GPC5: variants seen among roughly 807,000 people sequenced by gnomAD.
GPC5 encodes the protein glypican-5.
GPC5 carries 47 observed loss-of-function variants against 53.9 expected under a neutral mutation model. That is an observed-to-expected ratio of 0.87 (90% CI 0.69 to 1.11). The LOEUF (loss-of-function observed/expected upper bound fraction) is 1.11, where lower values mean the gene tolerates loss of function less well. Among genes scored for constraint, GPC5 ranks in the 50% most tolerant of loss-of-function variants. The pLI is 0.00. For synonymous variants in GPC5, 286 were observed against 263.3 expected (o/e 1.09, Z -0.84); for missense variants, 748 against 713.1 (o/e 1.05, Z -0.56).
chr13:91,403,066 C>CT, intron 1 of GPC5, among the ~76,000 whole-genome samples: 1 of 152,194 alleles, frequency 6.6e-6, no homozygotes, highest in African/African-American at 2.4e-5. Context: ...TGGCCATAGT[C>CT]ACTCATGGAC....
chr13:92,513,232 T>C (rs1214643130), intron 7 of GPC5, among the ~76,000 whole-genome samples: 1 of 152,220 alleles, frequency 6.6e-6, no homozygotes, highest in Non-Finnish European at 1.5e-5. Context: ...TTTTTCCATA[T>C]TGGACCTAGA....
intron 7 of GPC5, among the ~76,000 whole-genome samples, chr13:92,548,118 C>T (rs186340347): frequency 2.6e-4 from 39 of 151,572 alleles, no homozygotes; most frequent in African/African-American, 9.4e-4. Context: ...GGATTACAGG[C>T]GTGAGCCACT....
chr13:91,707,117 C>T (rs2036122415), intron 3 of GPC5, among the ~76,000 whole-genome samples: 1 of 151,958 alleles, frequency 6.6e-6, no homozygotes, highest in Non-Finnish European at 1.5e-5. Flanking sequence ...TATATTCAGG[C>T]ACTAATTAAT....
At chr13:92,267,027 C>T (rs1444145792) in intron 7 of GPC5, among the ~76,000 whole-genome samples, 1 of 151,968 alleles carries the variant, frequency 6.6e-6, no homozygotes, top group Non-Finnish European at 1.5e-5. Flanking sequence ...TTTTTCTTTG[C>T]TAAAATTGAG....
chr13:91,941,977 C>T (rs145520963), intron 6 of GPC5, among the ~76,000 whole-genome samples: 2,074 of 152,152 alleles, frequency 0.014, 25 homozygotes, highest in Non-Finnish European at 0.022. Flanking sequence ...GAAATGATCA[C>T]CACACTCAAG....
intron 6 of GPC5, among the ~76,000 whole-genome samples, chr13:92,055,105 A>G (rs2041063968): frequency 6.6e-6 from 1 of 152,194 alleles, no homozygotes; most frequent in African/African-American, 2.4e-5. Flanking sequence ...ACACAGAACA[A>G]CTAGCAACTT....
chr13:92,695,682 T>A (rs4773694), intron 7 of GPC5, among the ~76,000 whole-genome samples: 4 of 151,960 alleles, frequency 2.6e-5, no homozygotes, highest in Admixed American at 2.0e-4. Flanking sequence ...GAAGTTCTCT[T>A]GTATTAAAAA....
intron 7 of GPC5, among the ~76,000 whole-genome samples, chr13:92,275,534 G>A (rs2139160962): frequency 6.6e-6 from 1 of 152,018 alleles, no homozygotes; most frequent in East Asian, 1.9e-4. Context: ...CAGAATTGGG[G>A]AGTAATTCTA....
At chr13:92,855,797 T>A (rs1481093016) in intron 7 of GPC5, among the ~76,000 whole-genome samples, 1 of 151,954 alleles carries the variant, frequency 6.6e-6, no homozygotes, top group Non-Finnish European at 1.5e-5. Flanking sequence ...CAAGATTGAA[T>A]CAGGAAGAAA....
chr13:91,532,890 G>T (rs1194551431), intron 2 of GPC5, among the ~76,000 whole-genome samples: 2 of 151,990 alleles, frequency 1.3e-5, no homozygotes, highest in Non-Finnish European at 1.5e-5. Flanking sequence ...AAAATAAAAT[G>T]ATATAAAGTA....
chr13:91,659,929 A>G (rs1594392960), intron 2 of GPC5, among the ~76,000 whole-genome samples: 1 of 152,350 alleles, frequency 6.6e-6, no homozygotes, highest in Admixed American at 6.5e-5. Flanking sequence ...AGAGCTTGCT[A>G]CAGCAAGGTA....
At chr13:92,425,078 A>C (rs959979314) in intron 7 of GPC5, among the ~76,000 whole-genome samples, 1 of 151,934 alleles carries the variant, frequency 6.6e-6, no homozygotes, top group Non-Finnish European at 1.5e-5. Flanking sequence ...TCATGTTTCT[A>C]GTTTCTCACA....
intron 1 of GPC5, among the ~76,000 whole-genome samples, chr13:91,443,210 A>G (rs1250785489): frequency 9.2e-5 from 14 of 152,284 alleles, no homozygotes; most frequent in African/African-American, 3.4e-4. Flanking sequence ...ATGTGATTGT[A>G]TTTAGAGATG....
At chr13:92,719,836 G>A (rs1475942087) in intron 7 of GPC5, 1 of 152,126 alleles carries the variant, frequency 6.6e-6, no homozygotes, top group Non-Finnish European at 1.5e-5. Context: ...ATAGATACTA[G>A]CACTAGTACA....
At chr13:92,358,810 C>G (rs1033705782) in intron 7 of GPC5, among the ~76,000 whole-genome samples, 1 of 151,792 alleles carries the variant, frequency 6.6e-6, no homozygotes, top group African/African-American at 2.4e-5. Context: ...GCAGCGGGGC[C>G]CTGGGCCCAG....
At chr13:92,466,989 A>T (rs1423082183) in intron 7 of GPC5, among the ~76,000 whole-genome samples, 1 of 152,162 alleles carries the variant, frequency 6.6e-6, no homozygotes, top group East Asian at 1.9e-4. Context: ...CATGCTAAAT[A>T]GTCTTCAAAC....
At chr13:92,753,421 A>G (rs150927827) in intron 7 of GPC5, among the ~76,000 whole-genome samples, 51,295 of 151,962 alleles carry the variant, frequency 0.34, 10,076 homozygotes, top group East Asian at 0.75. Flanking sequence ...AGAGCAGAGC[A>G]CCTCTCCTCC....
chr13:92,286,126 C>T (rs193126300), intron 7 of GPC5, among the ~76,000 whole-genome samples: 7 of 152,188 alleles, frequency 4.6e-5, no homozygotes, highest in Admixed American at 1.3e-4. Context: ...CCAACAGACA[C>T]GTGAAAAAAT....
intron 6 of GPC5, among the ~76,000 whole-genome samples, chr13:91,910,057 G>A (rs923913620): frequency 6.6e-6 from 1 of 152,120 alleles, no homozygotes; most frequent in Non-Finnish European, 1.5e-5. Context: ...ATCCTTTTAA[G>A]GTCTACTAGA....
Sources: gnomAD v4.1 joint callset for allele counts (sites outside exome capture counted in the v4.1 genomes callset) on GRCh38, gnomAD v4.1.1 for gene constraint, MANE v1.5 for transcripts, NCBI Gene and HGNC (gene_info 2026-07-23, HGNC 2026-07-21) for gene names.